SEC23IP: variants seen among roughly 807,000 people sequenced by gnomAD.
SEC23IP encodes the protein SEC23-interacting protein.
Under a neutral mutation model 113.4 loss-of-function variants are expected in SEC23IP, and 70 were observed. The ratio of observed to expected loss-of-function variants is 0.62; its 90% CI spans 0.51 to 0.75. The LOEUF (loss-of-function observed/expected upper bound fraction) is 0.75, where lower values mean the gene tolerates loss of function less well. SEC23IP is among the 30% of genes least tolerant of loss of function. The pLI, the probability that SEC23IP is intolerant of heterozygous loss-of-function variation, is 0.00. For synonymous variants in SEC23IP, 398 were observed against 421.0 expected, an observed-to-expected ratio of 0.95 and a Z score of 0.67; for missense variants, 1,160 against 1,204.9, an observed-to-expected ratio of 0.96 and a Z score of 0.55.
At position 119,929,751 on chromosome 10, in the gene SEC23IP, A is replaced by G. The variant is rs1855533041; in HGVS notation, c.2458A>G (p.Ile820Val). The change falls in exon 14 of 19, where the codon ATT becomes GTT. Residue 820 changes from isoleucine (I) to valine (V), a missense_variant. Physicochemically the swap from Ile to Val is conservative, Grantham distance 29. Coordinates refer to ENST00000369075, the MANE Select transcript of SEC23IP (RefSeq NM_007190.4). ...TCCTACCTGTAAAGGGTTCTTCAAT[A>G]TTTATCATCCGGTGAGTAATTGAAT... Reference protein sequence around the residue: ...SLPTCKGFFNIYHPLDPVAYR... With the variant: ...SLPTCKGFFNVYHPLDPVAYR... 1 of 1,586,058 alleles carries G rather than the reference A, an allele frequency of 6.3e-7. No individual in the cohort carries two copies. The highest frequency in any genetic ancestry group is 8.6e-7 in the Non-Finnish European group (1 of 1,159,630).
chr10:119,893,075 C>A, intron 1 of SEC23IP, 130 bp downstream of exon 1: 1 of 1,056,804 alleles, frequency 9.5e-7, no homozygotes, highest in Non-Finnish European at 1.3e-6. Context: ...TCATTACTGG[C>A]CAGGTTTGAG....
intron 10 of SEC23IP, among the ~76,000 whole-genome samples, chr10:119,918,953 CTT>C (rs950748229): frequency 2.7e-5 from 4 of 150,368 alleles, no homozygotes; most frequent in Admixed American, 1.3e-4. Context: ...GAAATGGAGA[CTT>C]GAGTGATTTA....
intron 18 of SEC23IP, among the ~76,000 whole-genome samples, chr10:119,937,039 T>A (rs1855812666): frequency 1.3e-5 from 2 of 151,714 alleles, no homozygotes; most frequent in East Asian, 2.0e-4. Flanking sequence ...AGGCGCCCGC[T>A]GCTGTGCCCA....
At chr10:119,925,854 T>A (rs1413354053) in intron 12 of SEC23IP, among the ~76,000 whole-genome samples, 182 bp from the exon 13 acceptor site, 1 of 152,176 alleles carries the variant, frequency 6.6e-6, no homozygotes, top group Non-Finnish European at 1.5e-5. Context: ...GACATTTTTT[T>A]AAATTAGCTG....
At position 119,915,808 on chromosome 10, in the gene SEC23IP, A is replaced by G; in HGVS notation, c.1463A>G (p.Asp488Gly). ...CGGACACATTTCAAGAAATCTTTAGATGACGGGAAAGTAAGCAGAGTGGAG... is the reference window on the plus strand; with the variant it reads ...CGGACACATTTCAAGAAATCTTTAGGTGACGGGAAAGTAAGCAGAGTGGAG... ...LLRTHFKKSL[D>G]DGKVSRVEFL... is the part of the protein sequence containing the mutation. Residue 488 changes from aspartate to glycine, a missense_variant, in exon 8 of 19, where the codon GAT becomes GGT. By Grantham distance (94) the Asp-to-Gly change is moderately conservative. Coordinates refer to ENST00000369075, the MANE Select transcript of SEC23IP (RefSeq NM_007190.4). 6.2e-7 allele frequency: 1 copy of G among 1,604,740 alleles called. No individual in the cohort carries two copies. The highest frequency in any genetic ancestry group is 8.5e-7 in the Non-Finnish European group (1 of 1,175,014).
Position 119,903,956 on chromosome 10 carries a change from G to C in SEC23IP, c.908-128G>C. The C allele has an allele frequency of 4.4e-6, 4 of 907,172 alleles. No homozygotes were observed. In the South Asian group the frequency reaches 5.2e-5, roughly 12 times the overall value. The allele number at this position is 907,172 out of a possible 1,614,324, so 56.2% of individuals were successfully genotyped here. A position where few individuals can be genotyped will look rare whatever the true frequency, so the allele number is the denominator to read the frequency against. ...GCTGGTCTCAAACTCCTGACCGCAA[G>C]TGATCCACCTCTCTCGGCCTCCCAG... On this transcript the variant is annotated intron_variant, in intron 3 of 18. Coordinates refer to ENST00000369075, the MANE Select transcript of SEC23IP (RefSeq NM_007190.4).
intron 17 of SEC23IP, 84 bp from the exon 18 acceptor site, chr10:119,933,602 T>C: frequency 2.7e-6 from 2 of 751,060 alleles, no homozygotes; most frequent in Non-Finnish European, 4.7e-6. Flanking sequence ...TTGAATAGAA[T>C]AGAACCTGCA....
At chr10:119,922,005 C>G (rs1357443219) in intron 12 of SEC23IP, among the ~76,000 whole-genome samples, 3 of 151,914 alleles carry the variant, frequency 2.0e-5, no homozygotes, top group African/African-American at 7.3e-5. Context: ...TAGCAGCTAC[C>G]TCTTTTGAGT....
At chr10:119,919,370 T>G in intron 10 of SEC23IP, 74 bp from the exon 11 acceptor site, 1 of 1,346,040 alleles carries the variant, frequency 7.4e-7, no homozygotes, top group Non-Finnish European at 1.0e-6. Flanking sequence ...TGTTTGAGAG[T>G]TTTCGTAGAT....
intron 2 of SEC23IP, among the ~76,000 whole-genome samples, chr10:119,899,588 G>A (rs1253318259): frequency 6.6e-6 from 1 of 152,176 alleles, no homozygotes; most frequent in Non-Finnish European, 1.5e-5. Context: ...GCAGTATTGT[G>A]ATCAGAATGT....
At chr10:119,900,894 T>TTA (rs1207361432) in intron 2 of SEC23IP, among the ~76,000 whole-genome samples, 1 of 152,192 alleles carries the variant, frequency 6.6e-6, no homozygotes, top group Non-Finnish European at 1.5e-5. Flanking sequence ...TTTCATTTTG[T>TTA]TATATGTCTT....
chr10:119,926,665 T>C (rs1056946497), intron 13 of SEC23IP, among the ~76,000 whole-genome samples: 2 of 152,258 alleles, frequency 1.3e-5, no homozygotes, highest in South Asian at 4.1e-4. Flanking sequence ...TTTAATGATA[T>C]ACTTTAACAT....
intron 17 of SEC23IP, 126 bp downstream of exon 17, chr10:119,933,293 T>C (rs1855666480): frequency 2.4e-6 from 2 of 831,404 alleles, no homozygotes; most frequent in African/African-American, 1.7e-5. Flanking sequence ...AATTACTATA[T>C]GTTCAGAATC....
intron 13 of SEC23IP, among the ~76,000 whole-genome samples, chr10:119,927,870 A>G (rs112131172): frequency 1.9e-4 from 29 of 152,322 alleles, no homozygotes; most frequent in African/African-American, 6.7e-4. Context: ...GTTGGTAGAC[A>G]TAGGGTAGCT....
rs986074310 is a variant in SEC23IP, at chr10:119,933,107, A to G, written c.2861A>G (p.Glu954Gly). Residue 954 changes from glutamate to glycine, a missense_variant, in exon 17 of 19, where the codon GAA (glutamate) becomes GGA (glycine). Glu to Gly is a moderately conservative substitution (Grantham distance 98). Coordinates refer to ENST00000369075, the MANE Select transcript of SEC23IP (RefSeq NM_007190.4). ...GGRRIDYVLQEKPIESFNEYL... is the reference protein window; with the variant it reads ...GGRRIDYVLQGKPIESFNEYL... Reference sequence around the variant, plus strand: ...CGCCGAATTGACTACGTTCTCCAAGAAAAACCAATAGAGAGTTTTAATGAA... The same window carrying G: ...CGCCGAATTGACTACGTTCTCCAAGGAAAACCAATAGAGAGTTTTAATGAA... The G allele has an allele frequency of 1.9e-6, 3 of 1,613,894 alleles. No homozygotes were observed. The highest frequency in any genetic ancestry group is 2.2e-5 in the East Asian group (1 of 44,900).
Position 119,898,802 on chromosome 10 carries a change from A to G in SEC23IP, c.539A>G (p.Tyr180Cys), listed in dbSNP as rs772758265. The change falls in exon 2 of 19, where the codon TAC (tyrosine) becomes TGC (cysteine). Residue 180 changes from tyrosine to cysteine, a missense_variant. Transcript: ENST00000369075. ...NQPQGIPQPGYNPYRHTPGSS... is the reference protein window; with the variant it reads ...NQPQGIPQPGCNPYRHTPGSS... ...CCCCAAGGAATTCCCCAACCAGGAT[A>G]CAATCCATATCGCCATACCCCTGGC... is the stretch of plus-strand genomic sequence containing the variant. 3 of 1,614,156 alleles carry G rather than the reference A, an allele frequency of 1.9e-6. No individual in the cohort carries two copies. In the East Asian group the frequency reaches 6.7e-5, roughly 36 times the overall value.
Position 119,929,875 on chromosome 10 carries a change from C to T in SEC23IP, c.2469+113C>T. 3 of 677,576 alleles carry T rather than the reference C, an allele frequency of 4.4e-6. No homozygotes were observed. The East Asian group carries it at 8.3e-5, about 19-fold the overall frequency. 42.0% of individuals were successfully genotyped at this position (677,576 alleles called of 1,614,324 possible). ...TGTGGACCACACTGGTCTCAAACTCCTGGCCTCAAGTGATCCTTCCATCAC... is the reference window on the plus strand; with the variant it reads ...TGTGGACCACACTGGTCTCAAACTCTTGGCCTCAAGTGATCCTTCCATCAC... On this transcript the variant is annotated intron_variant, in intron 14 of 18. Transcript: ENST00000369075.
At chr10:119,928,818 T>C (rs1331316707) in intron 13 of SEC23IP, among the ~76,000 whole-genome samples, 1 of 152,238 alleles carries the variant, frequency 6.6e-6, no homozygotes, top group Middle Eastern at 3.2e-3. Flanking sequence ...TCAGGACAAA[T>C]CATTTTTCTG....
At chr10:119,934,583 C>T (rs1855714039) in intron 18 of SEC23IP, among the ~76,000 whole-genome samples, 1 of 152,188 alleles carries the variant, frequency 6.6e-6, no homozygotes, top group African/African-American at 2.4e-5. Flanking sequence ...CTTTTAAAAA[C>T]AAGTAATGTG....
Sources: gnomAD v4.1 joint callset for allele counts (sites outside exome capture counted in the v4.1 genomes callset) on GRCh38, gnomAD v4.1.1 for gene constraint, MANE v1.5 for transcripts, NCBI Gene and HGNC (gene_info 2026-07-23, HGNC 2026-07-21) for gene names.